DSTN: variants seen among roughly 807,000 people sequenced by gnomAD.
DSTN encodes destrin, actin depolymerizing factor.
DSTN carries 10 observed loss-of-function variants against 16.8 expected under a neutral mutation model. That is an observed-to-expected ratio of 0.60 (90% CI 0.37 to 1.01). DSTN has a LOEUF of 1.01. DSTN is among the 50% of genes least tolerant of loss of function. The pLI, the probability that DSTN is intolerant of heterozygous loss-of-function variation, is 0.01. For missense variants in DSTN, 141 were observed against 196.7 expected (o/e 0.72, Z 1.69); for synonymous variants, 57 against 58.9 (o/e 0.97, Z 0.14).
intron 3 of DSTN, among the ~76,000 whole-genome samples, chr20:17,606,162 A>G (rs1463359834): frequency 2.0e-5 from 3 of 152,118 alleles, no homozygotes; most frequent in Non-Finnish European, 4.4e-5. Flanking sequence ...GAAAGCATCC[A>G]CTGTCTTTCT....
At chr20:17,600,099 A>G (rs941862162) in intron 1 of DSTN, among the ~76,000 whole-genome samples, 1 of 152,234 alleles carries the variant, frequency 6.6e-6, no homozygotes, top group Non-Finnish European at 1.5e-5. Context: ...TTTTCTGGTC[A>G]GTATAATCCC....
Position 17,607,495 on chromosome 20 carries a change from T to C in DSTN, c.*349T>C, listed in dbSNP as rs1289635443. The C allele has an allele frequency of 2.1e-5, 4 of 186,658 alleles. No individual in the cohort carries two copies. The highest frequency in any genetic ancestry group is 9.4e-5 in the African/African-American group (4 of 42,756). 11.6% of individuals were successfully genotyped at this position (186,658 alleles called of 1,614,324 possible). A position where few individuals can be genotyped will look rare whatever the true frequency, so the allele number is the denominator to read the frequency against. On this transcript the variant is annotated 3_prime_UTR_variant, in exon 4 of 4. Coordinates refer to ENST00000246069, the MANE Select transcript of DSTN (RefSeq NM_006870.4). ...ACCTCAGCATTTACTTTGTTTCTTT[T>C]GCTTAGGAAATTGCTCATAATCTGG...
chr20:17,590,780 A>G (rs1489053512), intron 1 of DSTN, among the ~76,000 whole-genome samples: 1 of 152,228 alleles, frequency 6.6e-6, no homozygotes, highest in Non-Finnish European at 1.5e-5. Flanking sequence ...TTCTTGACAA[A>G]TGAGCAATTA....
chr20:17,591,926 C>G (rs546461489), intron 1 of DSTN: 15 of 985,298 alleles, frequency 1.5e-5, no homozygotes, highest in Admixed American at 1.2e-4. Flanking sequence ...CTAATCTTTA[C>G]CCCAGATTTT....
At chr20:17,601,174 G>A in intron 2 of DSTN, 129 bp downstream of exon 2, 1 of 1,200,576 alleles carries the variant, frequency 8.3e-7, no homozygotes, top group South Asian at 1.8e-5. Flanking sequence ...TTTATTTACA[G>A]GTTTCATAAT....
At position 17,608,725 on chromosome 20, in the gene DSTN, C is replaced by A. The variant is rs1297606056; in HGVS notation, c.*1579C>A. 6.6e-6 allele frequency: 1 copy of A among 151,354 alleles called. No individual in the cohort carries two copies. Among genetic ancestry groups the A allele is most frequent in the African/African-American group, 2.4e-5 (1 of 41,176 alleles). 9.4% of individuals were successfully genotyped at this position (151,354 alleles called of 1,614,324 possible). Reference sequence around the variant, plus strand: ...CACTATAAGTGTAATAAATATTATACAAAATTATAAATTCACATTTAAAAT... The same window carrying A: ...CACTATAAGTGTAATAAATATTATAAAAAATTATAAATTCACATTTAAAAT... On this transcript the variant is annotated 3_prime_UTR_variant, in exon 4 of 4. Coordinates refer to ENST00000246069, the MANE Select transcript of DSTN (RefSeq NM_006870.4).
intron 1 of DSTN, among the ~76,000 whole-genome samples, chr20:17,589,223 T>C (rs1450806381): frequency 6.6e-6 from 1 of 152,062 alleles, no homozygotes; most frequent in Non-Finnish European, 1.5e-5. Flanking sequence ...CCCCTACTTT[T>C]TTTTTTTGAG....
At chr20:17,583,002 C>G (rs529729937) in intron 1 of DSTN, among the ~76,000 whole-genome samples, 2 of 152,224 alleles carry the variant, frequency 1.3e-5, no homozygotes, top group Non-Finnish European at 2.9e-5. Context: ...AAAGGACTTA[C>G]AACTCAACAA....
intron 1 of DSTN, among the ~76,000 whole-genome samples, chr20:17,574,039 A>T (rs2035238537): frequency 6.6e-6 from 1 of 152,194 alleles, no homozygotes; most frequent in Non-Finnish European, 1.5e-5. Flanking sequence ...GTCTGAACAA[A>T]AAAATTAAAT....
At chr20:17,580,066 G>C (rs1331849321) in intron 1 of DSTN, among the ~76,000 whole-genome samples, 1 of 152,154 alleles carries the variant, frequency 6.6e-6, no homozygotes, top group South Asian at 2.1e-4. Flanking sequence ...GAAAAGAGTT[G>C]GAGGAGTGCA....
chr20:17,598,533 C>A (rs1268899774), intron 1 of DSTN, among the ~76,000 whole-genome samples: 1 of 152,080 alleles, frequency 6.6e-6, no homozygotes, highest in Non-Finnish European at 1.5e-5. Context: ...TATTTAAATC[C>A]TTTAAAACTG....
intron 2 of DSTN, among the ~76,000 whole-genome samples, chr20:17,602,302 G>A (rs545468379): frequency 1.3e-5 from 2 of 152,260 alleles, no homozygotes; most frequent in African/African-American, 4.8e-5. Context: ...TCTACTACAC[G>A]CCAGCTATTG....
chr20:17,608,246 C>G lies in DSTN; in HGVS notation c.*1100C>G, dbSNP rs1346061811. On this transcript the variant is annotated 3_prime_UTR_variant, in exon 4 of 4. Transcript: ENST00000246069. ...TAAAGGAAGCATTTTTGACTTACCT[C>G]TCGTGTAATTTTCATGTGTGAATTG... is the stretch of plus-strand genomic sequence containing the variant. 1 of 152,140 alleles carries G rather than the reference C, an allele frequency of 6.6e-6. No homozygotes were observed. Among genetic ancestry groups the G allele is most frequent in the African/African-American group, 2.4e-5 (1 of 41,420 alleles). 9.4% of individuals were successfully genotyped at this position (152,140 alleles called of 1,614,324 possible). A position where few individuals can be genotyped will look rare whatever the true frequency, so the allele number is the denominator to read the frequency against.
chr20:17,591,541 A>G (rs549882670), intron 1 of DSTN, among the ~76,000 whole-genome samples: 1 of 152,364 alleles, frequency 6.6e-6, no homozygotes, highest in South Asian at 2.1e-4. Flanking sequence ...AGAAGCCCCT[A>G]TAGCAATGAG....
At chr20:17,596,429 A>G (rs2035527343) in intron 1 of DSTN, among the ~76,000 whole-genome samples, 1 of 152,190 alleles carries the variant, frequency 6.6e-6, no homozygotes, top group Non-Finnish European at 1.5e-5. Flanking sequence ...GATGTGTCGT[A>G]CTGTGCCATA....
intron 1 of DSTN, among the ~76,000 whole-genome samples, chr20:17,573,634 T>G (rs1246527469): frequency 6.6e-6 from 1 of 152,200 alleles, no homozygotes; most frequent in Non-Finnish European, 1.5e-5. Flanking sequence ...TCTGGTTGTA[T>G]CTCATCATTA....
At chr20:17,596,846 CA>C (rs2035531864) in intron 1 of DSTN, 1 of 978,110 alleles carries the variant, frequency 1.0e-6, no homozygotes, top group African/African-American at 1.8e-5. Context: ...GCAGAATGCA[CA>C]TTTACTTTGT....
intron 1 of DSTN, among the ~76,000 whole-genome samples, chr20:17,593,298 A>G (rs1301468204): frequency 6.6e-6 from 1 of 152,176 alleles, no homozygotes; most frequent in African/African-American, 2.4e-5. Context: ...TATTCTACCA[A>G]GTATTGAAGC....
chr20:17,601,080 C>T (rs1234569378), intron 2 of DSTN, 35 bp downstream of exon 2: 1 of 1,545,634 alleles, frequency 6.5e-7, no homozygotes, highest in Middle Eastern at 1.7e-4. Context: ...CTCTGTAAAA[C>T]TCATTTTGTT....
Sources: gnomAD v4.1 joint callset for allele counts (sites outside exome capture counted in the v4.1 genomes callset) on GRCh38, gnomAD v4.1.1 for gene constraint, MANE v1.5 for transcripts, NCBI Gene and HGNC (gene_info 2026-07-23, HGNC 2026-07-21) for gene names.